The following GPR137B variants were observed in gnomAD, a reference collection of about 807,000 sequenced individuals.
GPR137B encodes the protein G protein-coupled receptor 137B.
A neutral mutation model predicts 42.5 loss-of-function variants in GPR137B; 42 were observed. The observed-to-expected ratio is 0.99, with a 90% confidence interval of 0.77 to 1.28. The LOEUF is 1.28. GPR137B is among the 50% of genes most tolerant of loss of function. The pLI is 0.00. For missense variants in GPR137B, 487 were observed against 493.9 expected (o/e 0.99, Z 0.13); for synonymous variants, 218 against 209.7 (o/e 1.04, Z -0.34).
chr1:236,178,264 T>C lies in GPR137B; in HGVS notation c.465-150T>C, dbSNP rs939174069. ...GGCATAATTTGGGGTCAGTTTGTAATTTGAATCTGGGAACGTCTATTGCCA... is the reference window on the plus strand; with the variant it reads ...GGCATAATTTGGGGTCAGTTTGTAACTTGAATCTGGGAACGTCTATTGCCA... On this transcript the variant is annotated intron_variant, in intron 2 of 6. Coordinates refer to ENST00000366592, the MANE Select transcript of GPR137B (RefSeq NM_003272.4). The C allele has an allele frequency of 1.3e-5, 8 of 613,258 alleles. No individual in the cohort carries two copies. In the East Asian group the frequency reaches 1.9e-4, roughly 15 times the overall value. 38.0% of individuals were successfully genotyped at this position (613,258 alleles called of 1,614,324 possible). A position where few individuals can be genotyped will look rare whatever the true frequency, so the allele number is the denominator to read the frequency against.
rs573256889 is a variant in GPR137B, at chr1:236,199,741, TTC to T, written c.967-5383_967-5382del. 1.7e-3 allele frequency among the ~76,000 whole-genome samples: 257 copies of T among 152,186 alleles called. 4 individuals carry two copies. Among genetic ancestry groups the T allele is most frequent in the Middle Eastern group, 6.8e-3 (2 of 294 alleles). On this transcript the variant is annotated intron_variant, in intron 5 of 6. Transcript: ENST00000366592. Reference sequence around the variant, plus strand: ...GTTTCTAATTGAGCTTATTTGGATCTTCTGTCTTCTTGGTTAATCTCACTAAT... The same window carrying T: ...GTTTCTAATTGAGCTTATTTGGATCTTGTCTTCTTGGTTAATCTCACTAAT...
In GPR137B at chr1:236,178,587, T is replaced by C; in HGVS notation, c.638T>C (p.Leu213Pro). ...TGTGCCGTCTCTCTCTCCATCTGTC[T>C]CTACAAAATCTCTAAGATGTCCTTA... ...VLCAVSLSIC[L>P]YKISKMSLAN... Residue 213 changes from leucine to proline, a missense_variant, in exon 3 of 7, where the codon CTC (leucine) becomes CCC (proline). By Grantham distance (98) the Leu-to-Pro change is moderately conservative. Transcript: ENST00000366592. The C allele has an allele frequency of 6.2e-7, 1 of 1,612,772 alleles. No individual in the cohort carries two copies. Among genetic ancestry groups the C allele is most frequent in the Non-Finnish European group, 8.5e-7 (1 of 1,179,862 alleles).
chr1:236,143,191 T>G (rs1661580724), intron 1 of GPR137B, among the ~76,000 whole-genome samples, 155 bp downstream of exon 1: 1 of 152,170 alleles, frequency 6.6e-6, no homozygotes, highest in Non-Finnish European at 1.5e-5. Context: ...CCGAACCCTG[T>G]CCTGTTTGCG....
At chr1:236,157,459 A>G (rs1484112323) in intron 1 of GPR137B, among the ~76,000 whole-genome samples, 1 of 152,046 alleles carries the variant, frequency 6.6e-6, no homozygotes, top group Non-Finnish European at 1.5e-5. Context: ...TCCTGACCTC[A>G]TGATCCGCCT....
At chr1:236,205,833 C>T (rs1663643795) in intron 6 of GPR137B, among the ~76,000 whole-genome samples, 1 of 152,152 alleles carries the variant, frequency 6.6e-6, no homozygotes, top group Admixed American at 6.5e-5. Context: ...AGCCACTGCA[C>T]CCGGCCAGAA....
intron 5 of GPR137B, among the ~76,000 whole-genome samples, chr1:236,190,279 T>C (rs199502502): frequency 2.9e-5 from 2 of 68,922 alleles, no homozygotes; most frequent in African/African-American, 7.4e-5. Flanking sequence ...TCTTGACTCT[T>C]TATCCAATTT....
rs534739978 is a variant in GPR137B, at chr1:236,150,370, C to T, written c.414+7334C>T. 3.8e-4 allele frequency among the ~76,000 whole-genome samples: 58 copies of T among 152,126 alleles called. No individual in the cohort carries two copies. Among genetic ancestry groups the T allele is most frequent in the Non-Finnish European group, 7.4e-4 (50 of 67,972 alleles). On this transcript the variant is annotated intron_variant, in intron 1 of 6. Transcript: ENST00000366592. The surrounding 1 kb of genome is among the most constrained non-coding windows in gnomAD (Gnocchi z 6.2). Reference sequence around the variant, plus strand: ...GTGTGTGGAAAGGTTTCCTTATTTTCTTGGTCTGCCGTTCACCCCCAGCAC... The same window carrying T: ...GTGTGTGGAAAGGTTTCCTTATTTTTTTGGTCTGCCGTTCACCCCCAGCAC...
chr1:236,154,612 G>A (rs1198359647), intron 1 of GPR137B, among the ~76,000 whole-genome samples: 1 of 147,708 alleles, frequency 6.8e-6, no homozygotes, highest in Non-Finnish European at 1.5e-5. Flanking sequence ...GCAGGACACA[G>A]GGAGTGTCAT....
chr1:236,180,173 C>A, intron 4 of GPR137B, 145 bp downstream of exon 4: 1 of 657,280 alleles, frequency 1.5e-6, no homozygotes, highest in Non-Finnish European at 2.8e-6. Flanking sequence ...ATAACCTACA[C>A]GCATCCTTCT....
chr1:236,142,753 G>C lies in GPR137B; in HGVS notation c.131G>C (p.Gly44Ala), dbSNP rs370352319. The change falls in exon 1 of 7, where the codon GGC becomes GCC. Residue 44 changes from glycine (G) to alanine (A), a missense_variant. By Grantham distance (60) the Gly-to-Ala change is moderately conservative. Coordinates refer to ENST00000366592, the MANE Select transcript of GPR137B (RefSeq NM_003272.4). ...TPAVPPYVKL[G>A]LTVVYTVFYA... ...GCCGTGCCCCCCTACGTGAAGCTTG[G>C]CCTCACCGTCGTCTACACCGTGTTC... 3.0e-5 allele frequency: 48 copies of C among 1,610,752 alleles called. No homozygotes were observed. The highest frequency in any genetic ancestry group is 3.0e-4 in the African/African-American group (22 of 74,280).
At chr1:236,162,676 A>G (rs1662234217) in intron 1 of GPR137B, among the ~76,000 whole-genome samples, 1 of 152,218 alleles carries the variant, frequency 6.6e-6, no homozygotes, top group Admixed American at 6.5e-5. Flanking sequence ...GTGGCTTCAG[A>G]GGGTGGAAGC....
At chr1:236,181,517 T>G (rs7526262) in intron 4 of GPR137B, among the ~76,000 whole-genome samples, 90,026 of 152,062 alleles carry the variant, frequency 0.59, 28,868 homozygotes, top group East Asian at 0.86. Flanking sequence ...GATTGGCAAA[T>G]GTTCCTTAGC....
intron 1 of GPR137B, among the ~76,000 whole-genome samples, chr1:236,157,226 C>CTTTT (rs35627938): frequency 7.9e-5 from 11 of 139,082 alleles, no homozygotes; most frequent in South Asian, 4.6e-4. Context: ...AGATTCCACA[C>CTTTT]TTTTTTTTTT....
In GPR137B at chr1:236,171,610, A is replaced by C. The variant is rs1273240008; in HGVS notation, c.464+2855A>C. Among the ~76,000 whole-genome samples, 1 of 152,226 alleles carries C rather than the reference A, an allele frequency of 6.6e-6. No homozygotes were observed. The highest frequency in any genetic ancestry group is 1.9e-4 in the East Asian group (1 of 5,198). Reference sequence around the variant, plus strand: ...GGGTGAGAAGATATGTGCGTGGGGCAGTCCTTGCTTGATCCTTGAGCCAAA... The same window carrying C: ...GGGTGAGAAGATATGTGCGTGGGGCCGTCCTTGCTTGATCCTTGAGCCAAA... On this transcript the variant is annotated intron_variant, in intron 2 of 6. Coordinates refer to ENST00000366592, the MANE Select transcript of GPR137B (RefSeq NM_003272.4). This position sits in a 1 kb window ranked among gnomAD's most constrained non-coding sequence, Gnocchi z 4.4.
chr1:236,204,150 A>C (rs1213895436), intron 5 of GPR137B, among the ~76,000 whole-genome samples: 1 of 152,202 alleles, frequency 6.6e-6, no homozygotes, highest in African/African-American at 2.4e-5. Context: ...GTGCTTTTTT[A>C]GCATCAATTG....
chr1:236,142,805 C>T lies in GPR137B; in HGVS notation c.183C>T (p.Tyr61=), dbSNP rs199561287. Residue 61 remains tyrosine, a synonymous_variant, in exon 1 of 7, where the codon TAC becomes TAT. Coordinates refer to ENST00000366592, the MANE Select transcript of GPR137B (RefSeq NM_003272.4). ...VFYALLFVFI[Y]VQLWLVLRYR... is the part of the protein sequence containing the mutation. ...ACGCGCTGCTCTTCGTGTTCATCTA[C>T]GTGCAGCTCTGGCTGGTGCTGCGTT... 8.1e-5 allele frequency: 130 copies of T among 1,613,946 alleles called. No homozygotes were observed. The East Asian group carries it at 2.0e-3, about 25-fold the overall frequency.
chr1:236,162,247 C>G (rs1325357329), intron 1 of GPR137B, among the ~76,000 whole-genome samples: 3 of 152,066 alleles, frequency 2.0e-5, no homozygotes, highest in Non-Finnish European at 4.4e-5. Context: ...CACTGAACTT[C>G]AGAGAGATGA....
intron 5 of GPR137B, among the ~76,000 whole-genome samples, chr1:236,190,819 T>C (rs993438300): frequency 2.0e-5 from 3 of 152,134 alleles, no homozygotes; most frequent in East Asian, 3.8e-4. Context: ...CTGACGATTA[T>C]GTGTCTTGCC....
intron 5 of GPR137B, among the ~76,000 whole-genome samples, chr1:236,194,418 A>G (rs909909886): frequency 6.6e-5 from 10 of 152,200 alleles, no homozygotes; most frequent in South Asian, 6.2e-4. Context: ...ACTATTAAAA[A>G]GAGTAAATTT....
Sources: gnomAD v4.1 joint callset for allele counts (sites outside exome capture counted in the v4.1 genomes callset) on GRCh38, gnomAD v4.1.1 for gene constraint, Gnocchi (gnomAD v3.1) non-coding constraint, MANE v1.5 for transcripts, NCBI Gene and HGNC (gene_info 2026-07-23, HGNC 2026-07-21) for gene names.